Variants in RANBP2 observed in about 807,000 individuals in gnomAD.
RANBP2 encodes the protein E3 SUMO-protein ligase RanBP2.
RANBP2 carries 57 observed loss-of-function variants against 303.6 expected under a neutral mutation model. The observed-to-expected ratio is 0.19, with a 90% CI of 0.15 to 0.23. RANBP2 has a LOEUF of 0.23. Among genes scored for constraint, RANBP2 ranks in the 10% least tolerant of loss-of-function variants. The pLI is 1.00. For missense variants in RANBP2, 3,138 were observed against 3,780.8 expected (o/e 0.83, Z 4.46); for synonymous variants, 1,167 against 1,301.5 (o/e 0.90, Z 2.23).
At chr2:109,122,505 G>C in the RANBP2 span, among the ~76,000 whole-genome samples, 1 of 152,184 alleles carries the variant, frequency 6.6e-6, no homozygotes, top group Non-Finnish European at 1.5e-5. Context: ...TGGGTAGCAG[G>C]GATAAGAGAA....
the RANBP2 span, among the ~76,000 whole-genome samples, chr2:109,080,831 T>TCAGAAC: frequency 6.6e-6 from 1 of 152,212 alleles, no homozygotes. Context: ...GTTGTATTAA[T>TCAGAAC]TAGAACTCTC....
the RANBP2 span, among the ~76,000 whole-genome samples, chr2:109,648,531 T>C: frequency 6.6e-6 from 1 of 152,026 alleles, no homozygotes; most frequent in Non-Finnish European, 1.5e-5. Context: ...TTAGTAGAGA[T>C]GGGGTTTCAC....
chr2:109,246,619 C>T, the RANBP2 span, among the ~76,000 whole-genome samples: 1 of 152,216 alleles, frequency 6.6e-6, no homozygotes, highest in Non-Finnish European at 1.5e-5. Flanking sequence ...CCTTTCCACA[C>T]ACAGCCAGTG....
chr2:109,687,838 G>T, the RANBP2 span, among the ~76,000 whole-genome samples: 2 of 151,732 alleles, frequency 1.3e-5, no homozygotes, highest in Admixed American at 6.6e-5. Context: ...AGACCTCCCG[G>T]ACTCAGGTGA....
At chr2:109,230,896 C>T in the RANBP2 span, among the ~76,000 whole-genome samples, 1 of 152,210 alleles carries the variant, frequency 6.6e-6, no homozygotes. Context: ...GCTTTGGGGG[C>T]TTCTCCCATC....
the RANBP2 span, among the ~76,000 whole-genome samples, chr2:109,761,907 T>C: frequency 6.6e-6 from 1 of 151,672 alleles, no homozygotes; most frequent in Non-Finnish European, 1.5e-5. Context: ...GGTGTGCACA[T>C]GAATATGCAA....
the RANBP2 span, among the ~76,000 whole-genome samples, chr2:109,113,278 C>A: frequency 7.8e-4 from 119 of 152,190 alleles, no homozygotes; most frequent in African/African-American, 2.8e-3. Context: ...ATGGAATGTT[C>A]TTCCATTTGT....
At chr2:108,803,393 AT>A in the RANBP2 span, among the ~76,000 whole-genome samples, 121,867 of 152,124 alleles carry the variant, frequency 0.8, 49,087 homozygotes, top group East Asian at 0.95. Flanking sequence ...GTTTTCTCTC[AT>A]TTCTTTAGTG....
chr2:108,739,600 C>T (rs576560167), intron 6 of RANBP2, among the ~76,000 whole-genome samples: 171 of 152,260 alleles, frequency 1.1e-3, no homozygotes, highest in Non-Finnish European at 2.3e-3. Context: ...TCATGCTTCA[C>T]GTTTAAGTGT....
chr2:109,347,580 A>G, the RANBP2 span: 6 of 1,488,090 alleles, frequency 4.0e-6, no homozygotes, highest in South Asian at 5.4e-5. Flanking sequence ...GGACACAGAA[A>G]GCCCCTGAGA....
chr2:108,885,884 T>C, the RANBP2 span, among the ~76,000 whole-genome samples: 5 of 152,218 alleles, frequency 3.3e-5, no homozygotes, highest in African/African-American at 1.2e-4. Flanking sequence ...TGCTTGGCTG[T>C]TTTCACTTAA....
chr2:108,797,357 A>G, the RANBP2 span, among the ~76,000 whole-genome samples: 1 of 152,366 alleles, frequency 6.6e-6, no homozygotes, highest in East Asian at 1.9e-4. Context: ...AAGAGACGGC[A>G]GTATAAAATG....
the RANBP2 span, among the ~76,000 whole-genome samples, chr2:109,540,118 T>C: frequency 6.6e-6 from 1 of 152,216 alleles, no homozygotes; most frequent in South Asian, 2.1e-4. Flanking sequence ...CTTTTTATTA[T>C]TGATTTCTAC....
chr2:109,482,012 A>G, the RANBP2 span, among the ~76,000 whole-genome samples: 3 of 152,236 alleles, frequency 2.0e-5, no homozygotes, highest in African/African-American at 7.2e-5. Flanking sequence ...CCTTCCAGTT[A>G]CTGAATGGCG....
the RANBP2 span, among the ~76,000 whole-genome samples, chr2:109,395,551 T>A: frequency 6.6e-6 from 1 of 152,194 alleles, no homozygotes; most frequent in Non-Finnish European, 1.5e-5. Flanking sequence ...CCTATCTTGG[T>A]GGAAGCTTTT....
chr2:109,166,870 A>G, the RANBP2 span, among the ~76,000 whole-genome samples: 1 of 152,256 alleles, frequency 6.6e-6, no homozygotes, highest in Non-Finnish European at 1.5e-5. Context: ...TTTTTAAGCT[A>G]TACATTATAC....
At chr2:109,394,713 T>C in the RANBP2 span, among the ~76,000 whole-genome samples, 265 of 152,340 alleles carry the variant, frequency 1.7e-3, 1 homozygote, top group Non-Finnish European at 2.6e-3. Flanking sequence ...TGACGCCACA[T>C]GCAGATAGAG....
chr2:109,063,876 T>G, the RANBP2 span, among the ~76,000 whole-genome samples: 13 of 152,040 alleles, frequency 8.6e-5, no homozygotes, highest in African/African-American at 2.9e-4. Context: ...TACTAAATTG[T>G]GGCTTTGGTT....
At chr2:109,287,000 A>G in the RANBP2 span, among the ~76,000 whole-genome samples, 1 of 152,178 alleles carries the variant, frequency 6.6e-6, no homozygotes, top group South Asian at 2.1e-4. Flanking sequence ...TGGGACGTGC[A>G]ACTGTCCCTG....
Sources: gnomAD v4.1 joint callset for allele counts (sites outside exome capture counted in the v4.1 genomes callset) on GRCh38, gnomAD v4.1.1 for gene constraint, MANE v1.5 for transcripts, NCBI Gene and HGNC (gene_info 2026-07-23, HGNC 2026-07-21) for gene names.